INO80D: variants seen among roughly 807,000 people sequenced by gnomAD.
INO80D encodes the protein INO80 complex subunit D.
In INO80D, 21 loss-of-function variants were observed where a neutral mutation model predicts 87.6. The ratio of observed to expected loss-of-function variants is 0.24; its 90% CI spans 0.17 to 0.35. INO80D has a LOEUF of 0.35. INO80D is among the 10% of genes least tolerant of loss of function. The probability of loss-of-function intolerance (pLI) is 1.00; values close to 1 mark genes in which losing one functional copy is unlikely to be tolerated. For synonymous variants in INO80D, 440 were observed against 491.0 expected, an observed-to-expected ratio of 0.90 and a Z score of 1.37; for missense variants, 982 against 1,280.7, an observed-to-expected ratio of 0.77 and a Z score of 3.56.
intron 1 of INO80D, among the ~76,000 whole-genome samples, chr2:206,071,881 G>A (rs1458595736): frequency 6.6e-6 from 1 of 151,924 alleles, no homozygotes; most frequent in Non-Finnish European, 1.5e-5. Flanking sequence ...TAACTCACAG[G>A]AGCCCACATG....
At chr2:206,042,517 A>G (rs1413431588) in intron 5 of INO80D, among the ~76,000 whole-genome samples, 2 of 151,988 alleles carry the variant, frequency 1.3e-5, no homozygotes, top group East Asian at 3.9e-4. Context: ...CCCTGTCTCT[A>G]CTAAAAATAG....
At chr2:206,019,710 C>T in intron 7 of INO80D, 26 bp downstream of exon 7, 1 of 1,562,996 alleles carries the variant, frequency 6.4e-7, no homozygotes, top group Non-Finnish European at 8.8e-7. Context: ...TTTTTCAATG[C>T]ACATTCCATT....
intron 1 of INO80D, among the ~76,000 whole-genome samples, chr2:206,068,738 C>A: frequency 6.6e-6 from 1 of 151,884 alleles, no homozygotes; most frequent in East Asian, 1.9e-4. Flanking sequence ...CTCACTCTGT[C>A]ACCTAGGTTG....
chr2:206,017,372 T>C (rs1203741024), intron 8 of INO80D, among the ~76,000 whole-genome samples: 1 of 152,178 alleles, frequency 6.6e-6, no homozygotes, highest in Non-Finnish European at 1.5e-5. Flanking sequence ...AAAGCAATAA[T>C]TACATTCAAT....
chr2:206,027,387 T>C (rs940116548), intron 6 of INO80D, among the ~76,000 whole-genome samples: 4 of 152,108 alleles, frequency 2.6e-5, no homozygotes, highest in African/African-American at 9.7e-5. Flanking sequence ...TGTGAGGTAA[T>C]GTAAATATTA....
At chr2:206,077,290 A>G (rs751345272) in intron 1 of INO80D, among the ~76,000 whole-genome samples, 1 of 151,928 alleles carries the variant, frequency 6.6e-6, no homozygotes, top group African/African-American at 2.4e-5. Context: ...CAGTGAGCCA[A>G]GATCGCGCCA....
chr2:206,059,940 A>G (rs1306697263), intron 3 of INO80D, among the ~76,000 whole-genome samples: 2 of 152,224 alleles, frequency 1.3e-5, no homozygotes, highest in South Asian at 2.1e-4. Flanking sequence ...GTGGTGGCTC[A>G]TGTCTATAAT....
At chr2:206,045,739 A>G (rs891715753) in intron 5 of INO80D, among the ~76,000 whole-genome samples, 2 of 152,194 alleles carry the variant, frequency 1.3e-5, no homozygotes, top group Non-Finnish European at 2.9e-5. Flanking sequence ...ATTGTAGCAC[A>G]GTAGAAATAA....
chr2:206,043,669 A>T (rs544844756), intron 5 of INO80D, among the ~76,000 whole-genome samples: 1 of 151,710 alleles, frequency 6.6e-6, no homozygotes, highest in Non-Finnish European at 1.5e-5. Context: ...TTCTATTTTT[A>T]GTAGAGACGG....
intron 5 of INO80D, among the ~76,000 whole-genome samples, chr2:206,041,340 G>A (rs1689044515): frequency 6.6e-6 from 1 of 152,168 alleles, no homozygotes; most frequent in Non-Finnish European, 1.5e-5. Context: ...ATATAAAGAT[G>A]CAAATAGGTT....
chr2:206,023,366 G>A (rs1688518092), intron 6 of INO80D, among the ~76,000 whole-genome samples: 2 of 151,792 alleles, frequency 1.3e-5, no homozygotes, highest in African/African-American at 4.8e-5. Flanking sequence ...GTTGACTTTT[G>A]TGAACCTAGA....
chr2:206,078,608 G>T (rs1690187667), intron 1 of INO80D, among the ~76,000 whole-genome samples: 1 of 151,854 alleles, frequency 6.6e-6, no homozygotes, highest in East Asian at 1.9e-4. Flanking sequence ...CCAGCCTGGG[G>T]CAACATAGTA....
chr2:206,047,165 G>A lies in INO80D; in HGVS notation c.965-553C>T, dbSNP rs574361259. 3.3e-5 allele frequency among the ~76,000 whole-genome samples: 5 copies of A among 152,226 alleles called. No homozygotes were observed. In the East Asian group the frequency reaches 7.7e-4, roughly 24 times the overall value. ...TTCTTTTGTCAGACACTTCACTAAT[G>A]GGGTAGAAACAACACAAGTAAAGAG... On this transcript the variant is annotated intron_variant, in intron 4 of 10. Coordinates refer to ENST00000403263, the MANE Select transcript of INO80D (RefSeq NM_017759.5).
At position 206,025,542 on chromosome 2, in the gene INO80D, A is replaced by AAAAT. The variant is rs71301548; in HGVS notation, c.1298+2568_1298+2569insATTT. 293 of 76,894 alleles carry AAAAT rather than the reference A, an allele frequency of 3.8e-3. 1 individual carries two copies. The highest frequency in any genetic ancestry group is 0.014 in the East Asian group (32 of 2,304). The allele number at this position is 76,894 out of a possible 1,614,324, so 4.8% of individuals were successfully genotyped here. On this transcript the variant is annotated intron_variant, in intron 6 of 10. Transcript: ENST00000403263. ...AAACTCCATCTCAAAAAAAAAAAAA[A>AAAAT]ATATATATATATATATATATATATA...
At chr2:206,054,523 T>A (rs932249189) in intron 4 of INO80D, among the ~76,000 whole-genome samples, 1 of 152,170 alleles carries the variant, frequency 6.6e-6, no homozygotes, top group African/African-American at 2.4e-5. Context: ...ATATTTTGTT[T>A]GTTTGTCTGA....
intron 5 of INO80D, among the ~76,000 whole-genome samples, chr2:206,038,990 T>G (rs1489184240): frequency 6.6e-6 from 1 of 151,844 alleles, no homozygotes; most frequent in Non-Finnish European, 1.5e-5. Context: ...TGCAAATGAG[T>G]AGGTAAGCCA....
At chr2:206,083,191 AAT>A (rs954997238) in intron 1 of INO80D, among the ~76,000 whole-genome samples, 1 of 152,256 alleles carries the variant, frequency 6.6e-6, no homozygotes, top group African/African-American at 2.4e-5. Flanking sequence ...TTAGGAAATT[AAT>A]ACATGTTTGA....
intron 5 of INO80D, among the ~76,000 whole-genome samples, chr2:206,031,874 CG>C (rs1241884348): frequency 6.6e-6 from 1 of 152,166 alleles, no homozygotes; most frequent in Non-Finnish European, 1.5e-5. Flanking sequence ...GCCCAAACTG[CG>C]GAAGTAGGAA....
At chr2:206,041,401 G>A (rs1285649011) in intron 5 of INO80D, among the ~76,000 whole-genome samples, 5 of 152,152 alleles carry the variant, frequency 3.3e-5, no homozygotes, top group African/African-American at 1.2e-4. Context: ...TCAAAAGAAC[G>A]ATGGAGTGGC....
Sources: gnomAD v4.1 joint callset for allele counts (sites outside exome capture counted in the v4.1 genomes callset) on GRCh38, gnomAD v4.1.1 for gene constraint, MANE v1.5 for transcripts, NCBI Gene and HGNC (gene_info 2026-07-23, HGNC 2026-07-21) for gene names.